Variants in ABCC3 observed in about 807,000 individuals in gnomAD.
ABCC3 encodes ATP binding cassette subfamily C member 3, also known as ATP-binding cassette sub-family C member 3.
In ABCC3, 121 loss-of-function variants were observed where a neutral mutation model predicts 165.3. The ratio of observed to expected loss-of-function variants is 0.73; its 90% CI spans 0.63 to 0.85. ABCC3 has a LOEUF of 0.85. ABCC3 is among the 40% of genes least tolerant of loss of function. The pLI is 0.00. For missense variants in ABCC3, 1,869 were observed against 1,964.1 expected, an observed-to-expected ratio of 0.95 and a Z score of 0.92; for synonymous variants, 733 against 810.1, an observed-to-expected ratio of 0.90 and a Z score of 1.62.
Position 50,647,172 on chromosome 17 carries a change from C to T in ABCC3, c.46-8660C>T, listed in dbSNP as rs181638177. Among the ~76,000 whole-genome samples, 10 of 152,338 alleles carry T rather than the reference C, an allele frequency of 6.6e-5. No homozygotes were observed. The East Asian group carries it at 1.4e-3, about 21-fold the overall frequency. On this transcript the variant is annotated intron_variant, in intron 1 of 30. Coordinates refer to ENST00000285238, the MANE Select transcript of ABCC3 (RefSeq NM_003786.4). ...GATTACAGGTGTAAGCCATTGTGCC[C>T]GGCCAAGTGTGAGTTCTTTTAAGCT...
intron 11 of ABCC3, among the ~76,000 whole-genome samples, chr17:50,666,251 C>T (rs1967525607): frequency 6.6e-6 from 1 of 152,124 alleles, no homozygotes; most frequent in Admixed American, 6.5e-5. Context: ...GCAGGTGGAT[C>T]ACCTGAGGTT....
intron 13 of ABCC3, 122 bp downstream of exon 13, chr17:50,668,131 A>G: frequency 1.1e-6 from 1 of 886,118 alleles, no homozygotes; most frequent in Non-Finnish European, 1.8e-6. Flanking sequence ...GGTTGCTAGC[A>G]TTATGAAGAG....
At chr17:50,677,665 A>G in intron 23 of ABCC3, 79 bp from the exon 24 acceptor site, 1 of 1,396,642 alleles carries the variant, frequency 7.2e-7, no homozygotes, top group Non-Finnish European at 9.9e-7. Context: ...CTCATCTGAA[A>G]ATGGATGAGT....
chr17:50,649,111 C>T (rs76717622), intron 1 of ABCC3, among the ~76,000 whole-genome samples: 5 of 100,182 alleles, frequency 5.0e-5, no homozygotes, highest in Non-Finnish European at 9.9e-5. Context: ...GACTCCATCT[C>T]AAAAAAAAAA....
chr17:50,651,064 C>CAA (rs1299923042), intron 1 of ABCC3, among the ~76,000 whole-genome samples: 1 of 36,758 alleles, frequency 2.7e-5, no homozygotes, highest in African/African-American at 7.7e-5. Context: ...GACTCCATCT[C>CAA]AGAAAAAAAA....
At chr17:50,641,731 A>G (rs1966896603) in intron 1 of ABCC3, among the ~76,000 whole-genome samples, 1 of 152,170 alleles carries the variant, frequency 6.6e-6, no homozygotes, top group Non-Finnish European at 1.5e-5. Context: ...CATATACTCT[A>G]GTGGGAAGAG....
chr17:50,639,849 C>T (rs142727925), intron 1 of ABCC3, among the ~76,000 whole-genome samples: 2 of 151,900 alleles, frequency 1.3e-5, no homozygotes, highest in African/African-American at 2.4e-5. Flanking sequence ...CTGCAACCTC[C>T]ACCTCCCAGG....
At position 50,655,852 on chromosome 17, in the gene ABCC3, C is replaced by T. The variant is rs1207895958; in HGVS notation, c.66C>T (p.His22=). 1.6e-5 allele frequency: 26 copies of T among 1,613,914 alleles called. No individual in the cohort carries two copies. In the Admixed American group the frequency reaches 4.0e-4, roughly 25 times the overall value. The change falls in exon 2 of 31, where the codon CAC becomes CAT. Residue 22 remains histidine (H), a synonymous_variant. Coordinates refer to ENST00000285238, the MANE Select transcript of ABCC3 (RefSeq NM_003786.4). The stretch of plus-strand genomic sequence containing the variant: ...CCCAGGACTCCAACCTGTCTGTGCA[C>T]ACAGAAAACCCGGACCTCACTCCCT... ...SKFWDSNLSV[H]TENPDLTPCF...
chr17:50,663,729 C>A lies in ABCC3; in HGVS notation c.1047C>A (p.Gly349=). 6.2e-7 allele frequency: 1 copy of A among 1,614,188 alleles called. No individual in the cohort carries two copies. Among genetic ancestry groups the A allele is most frequent in the Admixed American group, 1.7e-5 (1 of 60,028 alleles). ...ACCCCATGGCCCCCTCCTGGTGGGG[C>A]TTCCTGGTGGCTGGGCTGATGTTCC... is the stretch of plus-strand genomic sequence containing the variant. ...ISNPMAPSWW[G]FLVAGLMFLC... is the part of the protein sequence containing the mutation. The change falls in exon 9 of 31, where the codon GGC becomes GGA. Residue 349 remains glycine (G), a synonymous_variant. Transcript: ENST00000285238.
At chr17:50,636,622 C>G (rs1323376971) in intron 1 of ABCC3, among the ~76,000 whole-genome samples, 1 of 152,170 alleles carries the variant, frequency 6.6e-6, no homozygotes, top group Non-Finnish European at 1.5e-5. Context: ...TTTGTGGTGC[C>G]TGGGATGCCA....
At position 50,692,179 on chromosome 17, in the gene ABCC3, A is replaced by G. The variant is rs1968135104; in HGVS notation, c.*979A>G. 1 of 152,262 alleles carries G rather than the reference A, an allele frequency of 6.6e-6. No homozygotes were observed. Among genetic ancestry groups the G allele is most frequent in the Non-Finnish European group, 1.5e-5 (1 of 68,068 alleles). 9.4% of individuals were successfully genotyped at this position (152,262 alleles called of 1,614,324 possible). Reference sequence around the variant, plus strand: ...CCGAGAGGCCACCTCCTGCCCAGAGAGAAGCCACCCACACTCCCAGGTTGG... The same window carrying G: ...CCGAGAGGCCACCTCCTGCCCAGAGGGAAGCCACCCACACTCCCAGGTTGG... On this transcript the variant is annotated 3_prime_UTR_variant, in exon 31 of 31. Transcript: ENST00000285238.
intron 1 of ABCC3, among the ~76,000 whole-genome samples, chr17:50,645,437 A>G (rs1966987757): frequency 6.6e-6 from 1 of 151,752 alleles, no homozygotes; most frequent in Non-Finnish European, 1.5e-5. Flanking sequence ...TAGATTATTC[A>G]ACAGTTCACA....
Position 50,668,531 on chromosome 17 carries a change from C to T in ABCC3, c.1870+14C>T. On this transcript the variant is annotated intron_variant, in intron 14 of 30. Transcript: ENST00000285238. ...CCATCTCCCCAGGTCTAGAGAGCCC[C>T]TACCTGGGCTGCCTGCCCCAGTCCT... 3.1e-6 allele frequency: 5 copies of T among 1,600,902 alleles called. No homozygotes were observed. Among genetic ancestry groups the T allele is most frequent in the Non-Finnish European group, 4.3e-6 (5 of 1,169,172 alleles).
intron 17 of ABCC3, 53 bp from the exon 18 acceptor site, chr17:50,672,918 T>C (rs1268480269): frequency 4.5e-6 from 7 of 1,538,870 alleles, no homozygotes; most frequent in Non-Finnish European, 6.2e-6. Flanking sequence ...GACAGGCCGT[T>C]GTCTCCCTGT....
At chr17:50,685,448 AC>A (rs1334368544) in intron 29 of ABCC3, among the ~76,000 whole-genome samples, 4 of 152,242 alleles carry the variant, frequency 2.6e-5, no homozygotes, top group African/African-American at 9.6e-5. Context: ...CCAATAAAAA[AC>A]AAAGCAAGTC....
chr17:50,687,679 G>A lies in ABCC3; in HGVS notation c.4424G>A (p.Cys1475Tyr). The A allele has an allele frequency of 1.2e-6, 2 of 1,614,230 alleles. No individual in the cohort carries two copies. Among genetic ancestry groups the A allele is most frequent in the Non-Finnish European group, 1.7e-6 (2 of 1,180,040 alleles). ...QATIRTQFDT[C>Y]TVLTIAHRLN... ...ACCATCCGCACCCAGTTTGATACCTGCACTGTCCTGACCATCGCACACCGG... is the reference window on the plus strand; with the variant it reads ...ACCATCCGCACCCAGTTTGATACCTACACTGTCCTGACCATCGCACACCGG... The change falls in exon 30 of 31, where the codon TGC (cysteine) becomes TAC (tyrosine). Residue 1475 changes from cysteine (C) to tyrosine (Y), a missense_variant. By Grantham distance (194) the Cys-to-Tyr change is radical. Transcript: ENST00000285238.
In ABCC3 at chr17:50,651,620, G is replaced by A. The variant is rs533108958; in HGVS notation, c.46-4212G>A. On this transcript the variant is annotated intron_variant, in intron 1 of 30. Coordinates refer to ENST00000285238, the MANE Select transcript of ABCC3 (RefSeq NM_003786.4). ...TGTCTGTAGTCCCAGATACTTTGGC[G>A]GGGCTGAGGCGGGAGGATTGCTTGA... Among the ~76,000 whole-genome samples, 10 of 152,298 alleles carry A rather than the reference G, an allele frequency of 6.6e-5. No individual in the cohort carries two copies. In the South Asian group the frequency reaches 1.2e-3, roughly 19 times the overall value.
rs750488954 is a variant in ABCC3, at chr17:50,669,237, G to C, written c.2035G>C (p.Glu679Gln). The C allele has an allele frequency of 2.5e-6, 4 of 1,613,934 alleles. No individual in the cohort carries two copies. The South Asian group carries it at 4.4e-5, about 18-fold the overall frequency. Reference protein sequence around the residue: ...SLVSALLGEMEKLEGKVHMKG... With the variant: ...SLVSALLGEMQKLEGKVHMKG... ...GGTGTCTGCCCTGCTGGGAGAGATG[G>C]AGAAGCTAGAAGGCAAAGTGCACAT... Residue 679 changes from glutamate to glutamine, a missense_variant, in exon 16 of 31, where the codon GAG becomes CAG. Coordinates refer to ENST00000285238, the MANE Select transcript of ABCC3 (RefSeq NM_003786.4).
chr17:50,668,372 G>A lies in ABCC3; in HGVS notation c.1783-58G>A. On this transcript the variant is annotated intron_variant, in intron 13 of 30. Coordinates refer to ENST00000285238, the MANE Select transcript of ABCC3 (RefSeq NM_003786.4). The stretch of plus-strand genomic sequence containing the variant: ...CCAGGATGCTGGGGATGGGGCGAGG[G>A]TAGGGGTTGGGGGTTGGGAAAGTAC... 3.4e-6 allele frequency: 5 copies of A among 1,477,170 alleles called. No individual in the cohort carries two copies. The Admixed American group carries it at 8.4e-5, about 25-fold the overall frequency. The allele number at this position is 1,477,170 out of a possible 1,614,324, so 91.5% of individuals were successfully genotyped here.
Sources: allele counts gnomAD v4.1 joint callset (sites outside exome capture counted in the v4.1 genomes callset), GRCh38; gene constraint gnomAD v4.1.1; transcripts MANE v1.5; gene names NCBI Gene and HGNC (gene_info 2026-07-23, HGNC 2026-07-21).